The following APOL1 variants were observed in gnomAD, a reference collection of about 807,000 sequenced individuals.
APOL1 encodes apolipoprotein L1.
A neutral mutation model predicts 14.9 loss-of-function variants in APOL1; 17 were observed. The ratio of observed to expected loss-of-function variants is 1.14; its 90% confidence interval spans 0.78 to 1.71. APOL1 has a LOEUF of 1.71. Ranked by LOEUF, APOL1 falls within the 40% of genes most tolerant of loss-of-function variation. The pLI is 0.00. For missense variants in APOL1, 523 were observed against 485.9 expected (o/e 1.08, Z -0.72); for synonymous variants, 195 against 184.8 (o/e 1.05, Z -0.45).
chr22:36,266,774 G>T lies in APOL1; in HGVS notation c.*741G>T, dbSNP rs555497625. ...CAAAAAATTAGCCGGGCATGGTGGC[G>T]GGCGCCTGTAGTTCCAGCTAACTGG... On this transcript the variant is annotated 3_prime_UTR_variant, in exon 6 of 6. Transcript: ENST00000397278. 20 of 320,750 alleles carry T rather than the reference G, an allele frequency of 6.2e-5. No individual in the cohort carries two copies. Among genetic ancestry groups the T allele is most frequent in the African/African-American group, 3.8e-4 (18 of 46,790 alleles). The allele number at this position is 320,750 out of a possible 1,614,324, so 19.9% of individuals were successfully genotyped here.
At chr22:36,259,581 C>A (rs558943878) in intron 4 of APOL1, 6 of 1,220,244 alleles carry the variant, frequency 4.9e-6, no homozygotes, top group Non-Finnish European at 6.3e-6. Context: ...AGCACTCAGC[C>A]GACCCCGGAA....
intron 2 of APOL1, among the ~76,000 whole-genome samples, chr22:36,256,434 A>G (rs1325268712): frequency 6.6e-6 from 1 of 152,198 alleles, no homozygotes; most frequent in African/African-American, 2.4e-5. Context: ...AATTTATATG[A>G]GGAATTAGAA....
intron 1 of APOL1, chr22:36,253,924 G>A (rs1452731058): frequency 6.2e-7 from 1 of 1,614,046 alleles, no homozygotes; most frequent in Non-Finnish European, 8.5e-7. Context: ...AGGGTGCGTT[G>A]CAGAATGGTG....
At chr22:36,257,607 G>A (rs2015928458) in intron 4 of APOL1, 200 bp downstream of exon 4, 2 of 564,798 alleles carry the variant, frequency 3.5e-6, no homozygotes. Context: ...TCCTTAGGGT[G>A]ACACGGCCCA....
At chr22:36,257,443 C>A in intron 4 of APOL1, 36 bp downstream of exon 4, 1 of 1,585,032 alleles carries the variant, frequency 6.3e-7, no homozygotes, top group Non-Finnish European at 8.7e-7. Flanking sequence ...GGTTCCTACT[C>A]GCACTTAGAA....
intron 3 of APOL1, 46 bp downstream of exon 3, chr22:36,257,182 A>T: frequency 3.7e-6 from 6 of 1,613,398 alleles, no homozygotes; most frequent in Non-Finnish European, 5.1e-6. Flanking sequence ...GTGATAGACA[A>T]ACAATCTGGT....
chr22:36,264,997 G>A (rs928002788), intron 5 of APOL1, among the ~76,000 whole-genome samples, 154 bp from the exon 6 acceptor site: 1 of 151,960 alleles, frequency 6.6e-6, no homozygotes, highest in Admixed American at 6.6e-5. Context: ...ATTTTTGGTA[G>A]AGACAGGGTT....
chr22:36,265,307 G>C lies in APOL1; in HGVS notation c.471G>C (p.Arg157Ser). The change falls in exon 6 of 6, where the codon AGG becomes AGC. Residue 157 changes from arginine to serine, a missense_variant. Arg to Ser is a moderately radical substitution (Grantham distance 110). Coordinates refer to ENST00000397278, the MANE Select transcript of APOL1 (RefSeq NM_003661.4). ...LKSELEDNIR[R>S]LRALADGVQK... ...GTGAGCTTGAGGATAACATAAGAAG[G>C]CTCCGTGCCCTTGCAGATGGGGTTC... The C allele has an allele frequency of 3.1e-6, 5 of 1,613,124 alleles. No individual in the cohort carries two copies. The highest frequency in any genetic ancestry group is 2.5e-6 in the Non-Finnish European group (3 of 1,179,590).
At chr22:36,257,471 A>T in intron 4 of APOL1, 64 bp downstream of exon 4, 1 of 1,485,386 alleles carries the variant, frequency 6.7e-7, no homozygotes, top group Non-Finnish European at 9.4e-7. Flanking sequence ...TGGCACCTCC[A>T]CAGCTGAGTG....
Position 36,257,314 on chromosome 22 carries a change from T to G in APOL1, c.99-5T>G. On this transcript the variant is annotated splice_polypyrimidine_tract_variant and splice_region_variant and intron_variant, in intron 3 of 5. Transcript: ENST00000397278. ...GATCCCACAATTTGTTTTCTCCTCC[T>G]CAAGGGTGCAACAAAACGTTCCAAG... 1 of 1,614,014 alleles carries G rather than the reference T, an allele frequency of 6.2e-7. No homozygotes were observed. Among genetic ancestry groups the G allele is most frequent in the Middle Eastern group, 1.6e-4 (1 of 6,062 alleles).
intron 2 of APOL1, among the ~76,000 whole-genome samples, chr22:36,255,919 TCC>T (rs1304555118): frequency 6.6e-6 from 1 of 151,954 alleles, no homozygotes; most frequent in Non-Finnish European, 1.5e-5. Context: ...CTCCACCTTT[TCC>T]TAACATTCTA....
intron 1 of APOL1, among the ~76,000 whole-genome samples, 192 bp from the exon 2 acceptor site, chr22:36,254,745 C>A (rs1398108526): frequency 6.6e-6 from 1 of 152,094 alleles, no homozygotes; most frequent in Non-Finnish European, 1.5e-5. Context: ...CACCTGTAGT[C>A]CCAGCTACTC....
chr22:36,254,862 C>G lies in APOL1; in HGVS notation c.-19-75C>G, dbSNP rs752038012. The G allele has an allele frequency of 9.2e-6, 13 of 1,414,994 alleles. No homozygotes were observed. In the Admixed American group the frequency reaches 2.0e-4, roughly 22 times the overall value. 87.7% of individuals were successfully genotyped at this position (1,414,994 alleles called of 1,614,324 possible). ...TGGGTGATAGAGCGAGACTCCATTTCAAAAAAAAAATGAAATGAAAATGGT... is the reference window on the plus strand; with the variant it reads ...TGGGTGATAGAGCGAGACTCCATTTGAAAAAAAAAATGAAATGAAAATGGT... On this transcript the variant is annotated intron_variant, in intron 1 of 5. Transcript: ENST00000397278.
chr22:36,257,463 G>A, intron 4 of APOL1, 56 bp downstream of exon 4: 4 of 1,494,192 alleles, frequency 2.7e-6, no homozygotes, highest in Non-Finnish European at 2.8e-6. Context: ...ATGGAGGGTG[G>A]CACCTCCACA....
intron 5 of APOL1, 94 bp from the exon 6 acceptor site, chr22:36,265,057 C>G: frequency 6.8e-7 from 1 of 1,476,770 alleles, no homozygotes. Context: ...GTGATCCACC[C>G]GCCTTGGCCT....
intron 1 of APOL1, 42 bp from the exon 2 acceptor site, chr22:36,254,895 C>T (rs1353343363): frequency 3.7e-6 from 6 of 1,610,992 alleles, no homozygotes; most frequent in Admixed American, 1.7e-5. Context: ...GGTGATTTCT[C>T]AGGAGGAGCA....
intron 2 of APOL1, among the ~76,000 whole-genome samples, chr22:36,255,929 C>G (rs2015859501): frequency 6.6e-6 from 1 of 151,990 alleles, no homozygotes; most frequent in East Asian, 1.9e-4. Context: ...TCCTAACATT[C>G]TATCACCAGT....
At position 36,260,017 on chromosome 22, in the gene APOL1, C is replaced by T. The variant is rs555024233; in HGVS notation, c.188-1579C>T. On this transcript the variant is annotated intron_variant, in intron 4 of 5. Transcript: ENST00000397278. ...AGGAGAATGTCAAAGAAACATTGGCCTTGGAGTCAAATCCTGAGCTTCCTG... is the reference window on the plus strand; with the variant it reads ...AGGAGAATGTCAAAGAAACATTGGCTTTGGAGTCAAATCCTGAGCTTCCTG... The T allele has an allele frequency of 4.8e-6, 5 of 1,036,430 alleles. No homozygotes were observed. In the African/African-American group the frequency reaches 6.7e-5, roughly 14 times the overall value. 64.2% of individuals were successfully genotyped at this position (1,036,430 alleles called of 1,614,324 possible).
In APOL1 at chr22:36,261,428, A is replaced by G. The variant is rs136162; in HGVS notation, c.188-168A>G. Among the ~76,000 whole-genome samples, 130,230 of 152,100 alleles carry G rather than the reference A, an allele frequency of 0.86. 56,035 individuals are homozygous for G. The highest frequency in any genetic ancestry group is 0.93 in the African/African-American group (38,780 of 41,530). ...AGTCACCTGAGTTTAAAGCTTCAGC[A>G]TATGAATTTTGGGGGCACACAATTC... is the stretch of plus-strand genomic sequence containing the variant. On this transcript the variant is annotated intron_variant, in intron 4 of 5. Transcript: ENST00000397278.
Sources: gnomAD v4.1 joint callset for allele counts (sites outside exome capture counted in the v4.1 genomes callset) on GRCh38, gnomAD v4.1.1 for gene constraint, MANE v1.5 for transcripts, NCBI Gene and HGNC (gene_info 2026-07-23, HGNC 2026-07-21) for gene names.